The following PCDHGA8 variants were observed in gnomAD, a reference collection of about 807,000 sequenced individuals.
PCDHGA8 encodes protocadherin gamma-A8.
PCDHGA8 carries 45 observed loss-of-function variants against 59.2 expected under a neutral mutation model. The ratio of observed to expected loss-of-function variants is 0.76; its 90% confidence interval spans 0.60 to 0.98. PCDHGA8 has a LOEUF of 0.98. Among genes scored for constraint, PCDHGA8 ranks in the 50% least tolerant of loss-of-function variants. The pLI is 0.00. For synonymous variants in PCDHGA8, 531 were observed against 519.0 expected (o/e 1.02, Z -0.32); for missense variants, 1,257 against 1,196.2 (o/e 1.05, Z -0.75).
At chr5:141,405,261 T>A (rs1445565178) in intron 1 of PCDHGA8, 1 of 1,613,852 alleles carries the variant, frequency 6.2e-7, no homozygotes, top group South Asian at 1.1e-5. Context: ...CACCTGATCT[T>A]CCCCCAGCCC....
chr5:141,511,237 T>C lies in PCDHGA8; in HGVS notation c.*64T>C, dbSNP rs886816274. 1.9e-6 allele frequency: 3 copies of C among 1,590,378 alleles called. No homozygotes were observed. The South Asian group carries it at 3.4e-5, about 18-fold the overall frequency. ...CCAACCAGCCCAGCTTCTCCTTACC[T>C]GCACCCAGGCCTCAGAGTTTCAGGG... On this transcript the variant is annotated 3_prime_UTR_variant, in exon 4 of 4. Coordinates refer to ENST00000398604, the MANE Select transcript of PCDHGA8 (RefSeq NM_032088.2).
intron 1 of PCDHGA8, chr5:141,418,237 T>G (rs1470328670): frequency 6.2e-7 from 1 of 1,614,044 alleles, no homozygotes. Context: ...TTGAGGATGT[T>G]AATGACCACG....
Position 141,491,522 on chromosome 5 carries a change from A to G in PCDHGA8, c.2425-3285A>G, listed in dbSNP as rs778246278. ...TCGGACGGCACGCTCAAGTACATGG[A>G]GGTGACGCTGCGGCCCACAGACTCG... is the stretch of plus-strand genomic sequence containing the variant. On this transcript the variant is annotated intron_variant, in intron 1 of 3. Coordinates refer to ENST00000398604, the MANE Select transcript of PCDHGA8 (RefSeq NM_032088.2). The surrounding 1 kb of genome is among the most constrained non-coding windows in gnomAD (Gnocchi z 6.9). 8.1e-6 allele frequency: 13 copies of G among 1,614,024 alleles called. No homozygotes were observed. Among genetic ancestry groups the G allele is most frequent in the Non-Finnish European group, 1.1e-5 (13 of 1,180,002 alleles).
At chr5:141,436,467 A>G (rs2097825090) in intron 1 of PCDHGA8, among the ~76,000 whole-genome samples, 1 of 152,216 alleles carries the variant, frequency 6.6e-6, no homozygotes, top group South Asian at 2.1e-4. Flanking sequence ...GAATTTTCAG[A>G]TGTATCATAG....
At position 141,477,966 on chromosome 5, in the gene PCDHGA8, G is replaced by T; in HGVS notation, c.2425-16841G>T. 1 of 1,614,118 alleles carries T rather than the reference G, an allele frequency of 6.2e-7. No individual in the cohort carries two copies. The highest frequency in any genetic ancestry group is 8.5e-7 in the Non-Finnish European group (1 of 1,180,036). On this transcript the variant is annotated intron_variant, in intron 1 of 3. Coordinates refer to ENST00000398604, the MANE Select transcript of PCDHGA8 (RefSeq NM_032088.2). This position sits in a 1 kb window ranked among gnomAD's most constrained non-coding sequence, Gnocchi z 4.9. ...AGTCTCTTGGGATCCCCTAACCAGA[G>T]CCTTTTTGCCATAGGGCTGCACACT...
Position 141,491,964 on chromosome 5 carries a change from C to A in PCDHGA8, c.2425-2843C>A. On this transcript the variant is annotated intron_variant, in intron 1 of 3. Transcript: ENST00000398604. The surrounding 1 kb of genome is among the most constrained non-coding windows in gnomAD (Gnocchi z 6.9). ...CCCCACCCCTACACTCAAAAAAGGC[C>A]GGGGCCTCCTTCGAGCTTCCGGTGA... The A allele has an allele frequency of 1.1e-6, 1 of 943,952 alleles. No homozygotes were observed. The highest frequency in any genetic ancestry group is 1.5e-6 in the Non-Finnish European group (1 of 671,094). 58.5% of individuals were successfully genotyped at this position (943,952 alleles called of 1,614,324 possible). A position where few individuals can be genotyped will look rare whatever the true frequency, so the allele number is the denominator to read the frequency against.
At chr5:141,438,136 A>C (rs2097931548) in intron 1 of PCDHGA8, among the ~76,000 whole-genome samples, 1 of 152,186 alleles carries the variant, frequency 6.6e-6, no homozygotes, top group Non-Finnish European at 1.5e-5. Flanking sequence ...TAATGGCAAA[A>C]GATAGCCAGC....
chr5:141,408,870 G>A (rs780987841), intron 1 of PCDHGA8: 1 of 1,613,656 alleles, frequency 6.2e-7, no homozygotes, highest in South Asian at 1.1e-5. Context: ...CCACCAAGAA[G>A]TGCCACCGCT....
At position 141,491,971 on chromosome 5, in the gene PCDHGA8, T is replaced by C. The variant is rs62379205; in HGVS notation, c.2425-2836T>C. ...CCTACACTCAAAAAAGGCCGGGGCC[T>C]CCTTCGAGCTTCCGGTGAATTTCGG... is the stretch of plus-strand genomic sequence containing the variant. On this transcript the variant is annotated intron_variant, in intron 1 of 3. Coordinates refer to ENST00000398604, the MANE Select transcript of PCDHGA8 (RefSeq NM_032088.2). This position sits in a 1 kb window ranked among gnomAD's most constrained non-coding sequence, Gnocchi z 6.9. The C allele has an allele frequency of 0.2, 165,735 of 830,872 alleles. 17,637 individuals are homozygous for C. Among genetic ancestry groups the C allele is most frequent in the Admixed American group, 0.32 (8,466 of 26,688 alleles). 51.5% of individuals were successfully genotyped at this position (830,872 alleles called of 1,614,324 possible).
At chr5:141,460,177 T>C (rs1021646181) in intron 1 of PCDHGA8, among the ~76,000 whole-genome samples, 13 of 152,138 alleles carry the variant, frequency 8.5e-5, no homozygotes, top group African/African-American at 3.1e-4. Context: ...TTGTGGATAT[T>C]TTATCCCAGA....
At chr5:141,420,747 A>T (rs2096522944) in intron 1 of PCDHGA8, among the ~76,000 whole-genome samples, 1 of 152,220 alleles carries the variant, frequency 6.6e-6, no homozygotes, top group South Asian at 2.1e-4. Flanking sequence ...ATTGGAACCA[A>T]CTACAACCTA....
Position 141,512,594 on chromosome 5 carries a change from G to C in PCDHGA8, c.*1421G>C, listed in dbSNP as rs981124898. On this transcript the variant is annotated 3_prime_UTR_variant, in exon 4 of 4. Transcript: ENST00000398604. ...CACCCCCTTCTGCCCCTGGGTCCCC[G>C]GCCATCCAGCGGGGCTGCCAGAGAA... 1 of 152,812 alleles carries C rather than the reference G, an allele frequency of 6.5e-6. No homozygotes were observed. The highest frequency in any genetic ancestry group is 6.5e-5 in the Admixed American group (1 of 15,280). The allele number at this position is 152,812 out of a possible 1,614,324, so 9.5% of individuals were successfully genotyped here. A position where few individuals can be genotyped will look rare whatever the true frequency, so the allele number is the denominator to read the frequency against.
chr5:141,422,811 C>T (rs748248571), intron 1 of PCDHGA8: 1 of 1,614,248 alleles, frequency 6.2e-7, no homozygotes, highest in Non-Finnish European at 8.5e-7. Context: ...AGTTTCGAGA[C>T]TTAGAACTGA....
At position 141,403,190 on chromosome 5, in the gene PCDHGA8, C is replaced by G. The variant is rs768673759; in HGVS notation, c.2424+7953C>G. The G allele has an allele frequency of 1.1e-5, 17 of 1,613,864 alleles. No homozygotes were observed. The African/African-American group carries it at 2.0e-4, about 19-fold the overall frequency. On this transcript the variant is annotated intron_variant, in intron 1 of 3. Coordinates refer to ENST00000398604, the MANE Select transcript of PCDHGA8 (RefSeq NM_032088.2). ...GACGCAGCTTTTCTCTCTGAACCCG[C>G]GCAGCGGCACCTTGGTCACCGCGGG...
intron 1 of PCDHGA8, chr5:141,440,642 A>G (rs1351979857): frequency 6.6e-6 from 1 of 152,234 alleles, no homozygotes; most frequent in African/African-American, 2.4e-5. Context: ...AATTCCTTAC[A>G]AAATTATCAC....
chr5:141,469,005 G>A (rs1011079995), intron 1 of PCDHGA8, among the ~76,000 whole-genome samples: 7 of 151,814 alleles, frequency 4.6e-5, no homozygotes, highest in South Asian at 2.1e-4. Context: ...TGCTGGGTGC[G>A]GTGGGTCACT....
chr5:141,415,730 G>A lies in PCDHGA8; in HGVS notation c.2424+20493G>A. On this transcript the variant is annotated intron_variant, in intron 1 of 3. Transcript: ENST00000398604. Reference sequence around the variant, plus strand: ...AAAACACTGATGAGTAGAATTTGATGTTTATTAAGGTTTTTTTTTTTTTTT... The same window carrying A: ...AAAACACTGATGAGTAGAATTTGATATTTATTAAGGTTTTTTTTTTTTTTT... 4 of 476,826 alleles carry A rather than the reference G, an allele frequency of 8.4e-6. No individual in the cohort carries two copies. The South Asian group carries it at 2.0e-4, about 24-fold the overall frequency. The allele number at this position is 476,826 out of a possible 1,614,324, so 29.5% of individuals were successfully genotyped here. A position where few individuals can be genotyped will look rare whatever the true frequency, so the allele number is the denominator to read the frequency against.
Position 141,432,126 on chromosome 5 carries a change from C to A in PCDHGA8, c.2424+36889C>A. 6.2e-7 allele frequency: 1 copy of A among 1,614,144 alleles called. No homozygotes were observed. Among genetic ancestry groups the A allele is most frequent in the South Asian group, 1.1e-5 (1 of 91,058 alleles). ...AACCCGCCGGTCTTCCCTCAGGCCT[C>A]CTATTCCGCTTATATCCCAGAGAAC... On this transcript the variant is annotated intron_variant, in intron 1 of 3. Transcript: ENST00000398604. The surrounding 1 kb of genome is among the most constrained non-coding windows in gnomAD (Gnocchi z 6.0).
At position 141,491,390 on chromosome 5, in the gene PCDHGA8, T is replaced by C; in HGVS notation, c.2425-3417T>C. 6.2e-7 allele frequency: 1 copy of C among 1,614,130 alleles called. No homozygotes were observed. Among genetic ancestry groups the C allele is most frequent in the Non-Finnish European group, 8.5e-7 (1 of 1,179,988 alleles). ...TTCACCTTTCTGTCAGCGAAGTGCC[T>C]TCAGGGAAACGCAGACGGGGACGGG... On this transcript the variant is annotated intron_variant, in intron 1 of 3. Coordinates refer to ENST00000398604, the MANE Select transcript of PCDHGA8 (RefSeq NM_032088.2). This position sits in a 1 kb window ranked among gnomAD's most constrained non-coding sequence, Gnocchi z 6.9.
Sources: gnomAD v4.1 joint callset for allele counts (sites outside exome capture counted in the v4.1 genomes callset) on GRCh38, gnomAD v4.1.1 for gene constraint, Gnocchi (gnomAD v3.1) non-coding constraint, MANE v1.5 for transcripts, NCBI Gene and HGNC (gene_info 2026-07-23, HGNC 2026-07-21) for gene names.